Variants in SLC24A2 observed in about 807,000 individuals in gnomAD.
The protein encoded by SLC24A2 is sodium/potassium/calcium exchanger 2.
In SLC24A2, 36 loss-of-function variants were observed where a neutral mutation model predicts 62.0. That is an observed-to-expected ratio of 0.58 (90% confidence interval 0.44 to 0.77). The LOEUF (loss-of-function observed/expected upper bound fraction) is 0.77, where lower values mean the gene tolerates loss of function less well. SLC24A2 is among the 30% of genes least tolerant of loss of function. The probability of loss-of-function intolerance (pLI) is 0.00; values close to 1 mark genes in which losing one functional copy is unlikely to be tolerated. For synonymous variants in SLC24A2, 358 were observed against 294.0 expected, an observed-to-expected ratio of 1.22 and a Z score of -2.23; for missense variants, 846 against 817.9, an observed-to-expected ratio of 1.03 and a Z score of -0.42.
the SLC24A2 span, among the ~76,000 whole-genome samples, chr9:19,889,055 G>T: frequency 6.6e-6 from 1 of 152,142 alleles, no homozygotes; most frequent in Non-Finnish European, 1.5e-5. Context: ...CCATCAGTGT[G>T]AGCTAGCACA....
chr9:19,744,833 A>C (rs1441718673), intron 2 of SLC24A2, among the ~76,000 whole-genome samples: 1 of 152,146 alleles, frequency 6.6e-6, no homozygotes, highest in African/African-American at 2.4e-5. Context: ...TAAACTTCCC[A>C]AACATCTAAG....
At chr9:19,965,075 T>C in the SLC24A2 span, among the ~76,000 whole-genome samples, 2 of 126,272 alleles carry the variant, frequency 1.6e-5, no homozygotes, top group African/African-American at 5.9e-5. Flanking sequence ...GCCAGTTCCC[T>C]GTGACACACA....
chr9:20,228,682 A>C, the SLC24A2 span, among the ~76,000 whole-genome samples: 1 of 152,146 alleles, frequency 6.6e-6, no homozygotes, highest in African/African-American at 2.4e-5. Flanking sequence ...CTAGAAGAAA[A>C]GCAAAGATTG....
chr9:19,542,365 T>C (rs1010363055), intron 8 of SLC24A2, among the ~76,000 whole-genome samples: 1 of 152,216 alleles, frequency 6.6e-6, no homozygotes, highest in Non-Finnish European at 1.5e-5. Flanking sequence ...TTTCTAAATA[T>C]ACAATCATGT....
chr9:19,521,240 T>C (rs1833184346), intron 9 of SLC24A2, among the ~76,000 whole-genome samples, 180 bp from the exon 10 acceptor site: 1 of 152,236 alleles, frequency 6.6e-6, no homozygotes, highest in Non-Finnish European at 1.5e-5. Flanking sequence ...TTTAGGATAT[T>C]CAGACCCAAG....
intron 2 of SLC24A2, among the ~76,000 whole-genome samples, chr9:19,715,013 C>T (rs952044317): frequency 6.6e-6 from 1 of 151,926 alleles, no homozygotes; most frequent in African/African-American, 2.4e-5. Context: ...AAGTCTATTT[C>T]TAAGGTGCCT....
At chr9:19,527,580 T>A (rs543036076) in intron 9 of SLC24A2, among the ~76,000 whole-genome samples, 1 of 152,334 alleles carries the variant, frequency 6.6e-6, no homozygotes, top group East Asian at 1.9e-4. Flanking sequence ...TTGTGACTCA[T>A]ATTGAGTTAA....
In SLC24A2 at chr9:19,706,448, C is replaced by T. The variant is rs946434995; in HGVS notation, c.930+79489G>A. On this transcript the variant is annotated intron_variant, in intron 2 of 10. Coordinates refer to ENST00000341998, the MANE Select transcript of SLC24A2 (RefSeq NM_020344.4). ...ATGCTGGAGTGCAGTGGCGCGATCTCGACTCACTGCAAGCTCCGCCTCCCG... is the reference window on the plus strand; with the variant it reads ...ATGCTGGAGTGCAGTGGCGCGATCTTGACTCACTGCAAGCTCCGCCTCCCG... Among the ~76,000 whole-genome samples, 27 of 149,676 alleles carry T rather than the reference C, an allele frequency of 1.8e-4. 1 individual carries two copies. The highest frequency in any genetic ancestry group is 6.2e-4 in the African/African-American group (25 of 40,566).
chr9:19,965,733 A>G, the SLC24A2 span, among the ~76,000 whole-genome samples: 1 of 152,198 alleles, frequency 6.6e-6, no homozygotes, highest in Admixed American at 6.5e-5. Flanking sequence ...GAGGGATCAA[A>G]AAGCAGGAAT....
At chr9:19,991,483 C>T in the SLC24A2 span, among the ~76,000 whole-genome samples, 3 of 152,180 alleles carry the variant, frequency 2.0e-5, no homozygotes, top group Non-Finnish European at 4.4e-5. Flanking sequence ...TTGGCAACAC[C>T]TCACAGACAC....
chr9:19,673,123 G>T lies in SLC24A2; in HGVS notation c.931-50824C>A, dbSNP rs527268028. 2.6e-4 allele frequency among the ~76,000 whole-genome samples: 38 copies of T among 146,478 alleles called. 3 individuals are homozygous for T. The highest frequency in any genetic ancestry group is 4.7e-4 in the Non-Finnish European group (32 of 67,490). On this transcript the variant is annotated intron_variant, in intron 2 of 10. Coordinates refer to ENST00000341998, the MANE Select transcript of SLC24A2 (RefSeq NM_020344.4). ...TTGCCTTGAAGACCTGTCTAGTTCT[G>T]TCAGAGGAGTATTGAAGTCCTCCAA...
chr9:19,665,235 G>A (rs1345094736), intron 2 of SLC24A2, among the ~76,000 whole-genome samples: 1 of 152,204 alleles, frequency 6.6e-6, no homozygotes, highest in African/African-American at 2.4e-5. Context: ...TTGTTTAGAA[G>A]TGTTGTTATT....
At chr9:20,258,758 T>C in the SLC24A2 span, among the ~76,000 whole-genome samples, 2 of 147,338 alleles carry the variant, frequency 1.4e-5, no homozygotes, top group African/African-American at 5.1e-5. Context: ...ATGAATCTCC[T>C]CTCATTTATC....
chr9:19,884,845 G>T, the SLC24A2 span, among the ~76,000 whole-genome samples: 2 of 152,142 alleles, frequency 1.3e-5, no homozygotes, highest in Non-Finnish European at 2.9e-5. Flanking sequence ...GCATGTTTAA[G>T]GTAGGTTAGA....
chr9:19,597,390 C>T, intron 4 of SLC24A2, 111 bp from the exon 5 acceptor site: 1 of 793,410 alleles, frequency 1.3e-6, no homozygotes, highest in Non-Finnish European at 2.2e-6. Flanking sequence ...TCAAATTTTG[C>T]AATCGTAACT....
chr9:20,108,664 C>A, the SLC24A2 span, among the ~76,000 whole-genome samples: 1 of 139,960 alleles, frequency 7.1e-6, no homozygotes, highest in Non-Finnish European at 1.5e-5. Flanking sequence ...CACATGGACA[C>A]AGGAAGGGGA....
In SLC24A2 at chr9:19,563,719, CTG is replaced by C. The variant is rs1373222567; in HGVS notation, c.1347+9630_1347+9631del. ...CTCCCTTACTTCCTTTTCCAACAAT[CTG>C]TAACAAAACTGTTGGTTTTTATAAT... On this transcript the variant is annotated intron_variant, in intron 7 of 10. Transcript: ENST00000341998. Among the ~76,000 whole-genome samples, 46 of 123,728 alleles carry C rather than the reference CTG, an allele frequency of 3.7e-4. 8 individuals are homozygous for C. The highest frequency in any genetic ancestry group is 1.6e-3 in the African/African-American group (44 of 28,096). 81.2% of individuals were successfully genotyped at this position (123,728 alleles called of 152,430 possible).
At chr9:20,106,518 T>C in the SLC24A2 span, among the ~76,000 whole-genome samples, 2 of 152,318 alleles carry the variant, frequency 1.3e-5, no homozygotes, top group Non-Finnish European at 2.9e-5. Context: ...GTGGGCTTCA[T>C]CCCTGGGATG....
the SLC24A2 span, among the ~76,000 whole-genome samples, chr9:20,285,273 C>A: frequency 6.6e-6 from 1 of 152,228 alleles, no homozygotes; most frequent in African/African-American, 2.4e-5. Context: ...GAAACAGAAC[C>A]AATAGGATGT....
Sources: allele counts gnomAD v4.1 joint callset (sites outside exome capture counted in the v4.1 genomes callset), GRCh38; gene constraint gnomAD v4.1.1; transcripts MANE v1.5; gene names NCBI Gene and HGNC (gene_info 2026-07-23, HGNC 2026-07-21).